Variants in NINJ2 observed in about 807,000 individuals in gnomAD.
NINJ2 encodes the protein ninjurin 2.
Under a neutral mutation model 11.7 loss-of-function variants are expected in NINJ2, and 12 were observed. That is an observed-to-expected ratio of 1.02 (90% confidence interval 0.66 to 1.66). NINJ2 has a LOEUF of 1.66. Among genes scored for constraint, NINJ2 ranks in the 40% most tolerant of loss-of-function variants. The pLI, the probability that NINJ2 is intolerant of heterozygous loss-of-function variation, is 0.00. For missense variants in NINJ2, 187 were observed against 181.8 expected (o/e 1.03, Z -0.16); for synonymous variants, 93 against 76.8 (o/e 1.21, Z -1.10).
intron 1 of NINJ2, among the ~76,000 whole-genome samples, chr12:586,849 C>T (rs530244168): frequency 2.3e-4 from 35 of 152,280 alleles, no homozygotes; most frequent in African/African-American, 7.0e-4. Flanking sequence ...CCTTCACCTT[C>T]GGGGCCCTGC....
chr12:576,241 G>T (rs1947458330), intron 1 of NINJ2, among the ~76,000 whole-genome samples: 1 of 152,182 alleles, frequency 6.6e-6, no homozygotes, highest in Non-Finnish European at 1.5e-5. Flanking sequence ...GTGGGGCGAG[G>T]CCTCCCCGGA....
intron 1 of NINJ2, among the ~76,000 whole-genome samples, chr12:573,111 C>T (rs1235481178): frequency 1.5e-4 from 22 of 151,086 alleles, no homozygotes; most frequent in East Asian, 7.9e-4. Context: ...CTGCAAGCTC[C>T]GCCTCCCGGG....
At chr12:613,769 G>A (rs1390569492) in intron 1 of NINJ2, among the ~76,000 whole-genome samples, 2 of 152,086 alleles carry the variant, frequency 1.3e-5, no homozygotes, top group African/African-American at 4.8e-5. Context: ...GCCGGGCGTG[G>A]TGGCGGGCGC....
chr12:608,430 C>G (rs1252702416), intron 1 of NINJ2, among the ~76,000 whole-genome samples: 1 of 152,218 alleles, frequency 6.6e-6, no homozygotes, highest in Non-Finnish European at 1.5e-5. Context: ...TATTTTAATT[C>G]ATCTACTTCT....
chr12:643,365 G>T, intron 1 of NINJ2: 1 of 884,184 alleles, frequency 1.1e-6, no homozygotes, highest in Non-Finnish European at 1.4e-6. Flanking sequence ...TGGCGTTCCT[G>T]AGTCCGCGGA....
At chr12:654,681 G>T (rs1343260841) in intron 1 of NINJ2, among the ~76,000 whole-genome samples, 1 of 149,274 alleles carries the variant, frequency 6.7e-6, no homozygotes, top group Non-Finnish European at 1.5e-5. Context: ...ATCACCTGAG[G>T]TTGGGAGTTC....
intron 1 of NINJ2, among the ~76,000 whole-genome samples, chr12:624,707 G>T (rs1424627504): frequency 6.6e-6 from 1 of 151,504 alleles, no homozygotes; most frequent in Non-Finnish European, 1.5e-5. Flanking sequence ...AACTTGGGAG[G>T]CTGAGGCAGG....
chr12:630,500 G>C (rs1224823054), intron 1 of NINJ2, among the ~76,000 whole-genome samples: 1 of 151,944 alleles, frequency 6.6e-6, no homozygotes, highest in Non-Finnish European at 1.5e-5. Context: ...TCAGCCTCCC[G>C]AGTAGCTGGG....
At chr12:578,606 C>T (rs1428792435) in intron 1 of NINJ2, among the ~76,000 whole-genome samples, 1 of 152,186 alleles carries the variant, frequency 6.6e-6, no homozygotes, top group African/African-American at 2.4e-5. Context: ...GCATGAACCA[C>T]TACACCCGGC....
At chr12:654,393 T>G (rs1020498503) in intron 1 of NINJ2, among the ~76,000 whole-genome samples, 1 of 150,990 alleles carries the variant, frequency 6.6e-6, no homozygotes, top group South Asian at 2.1e-4. Flanking sequence ...TGGTGGCACA[T>G]GCGTATAATC....
intron 1 of NINJ2, among the ~76,000 whole-genome samples, chr12:609,464 T>A (rs1468315328): frequency 6.6e-6 from 1 of 152,190 alleles, no homozygotes; most frequent in Non-Finnish European, 1.5e-5. Context: ...ATTATCATCC[T>A]TTTATTTAAA....
intron 1 of NINJ2, among the ~76,000 whole-genome samples, chr12:637,610 C>T (rs2120466239): frequency 6.7e-6 from 1 of 148,956 alleles, no homozygotes; most frequent in Middle Eastern, 3.5e-3. Context: ...CACTGCACTC[C>T]AGCCTAGGCG....
At position 565,362 on chromosome 12, in the gene NINJ2, A is replaced by AG. The variant is rs1947279278; in HGVS notation, c.301dup (p.Leu101ProfsTer29). 5 of 1,614,092 alleles carry AG rather than the reference A, an allele frequency of 3.1e-6. No homozygotes were observed. In the African/African-American group the frequency reaches 6.7e-5, roughly 22 times the overall value. On this transcript the variant is annotated frameshift_variant, in exon 3 of 4. Transcript: ENST00000305108. LOFTEE classifies it high-confidence loss of function. ...GGTGGCTGCGTTGTTGAGCTGGTTG[A>AG]GTCGCCACTGCTTTTCTACCTCATT...
At chr12:601,758 C>T (rs929687387) in intron 1 of NINJ2, among the ~76,000 whole-genome samples, 3 of 140,708 alleles carry the variant, frequency 2.1e-5, no homozygotes, top group Admixed American at 7.1e-5. Flanking sequence ...CCCAGCTACT[C>T]GGGAGGCTGA....
At chr12:658,407 A>T (rs1279467454) in intron 1 of NINJ2, among the ~76,000 whole-genome samples, 1 of 152,286 alleles carries the variant, frequency 6.6e-6, no homozygotes, top group South Asian at 2.1e-4. Flanking sequence ...CAGACACTGG[A>T]ATATTATTCA....
In NINJ2 at chr12:610,878, C is replaced by T. The variant is rs568563662; in HGVS notation, c.34-44700G>A. On this transcript the variant is annotated intron_variant, in intron 1 of 3. Transcript: ENST00000305108. ...CCTCCCAAGTAGCTGGGATTACAGG[C>T]ACCCACCACCATACCTGGCTAATTT... Among the ~76,000 whole-genome samples the T allele has an allele frequency of 7.2e-5, 11 of 152,110 alleles. No individual in the cohort carries two copies. In the East Asian group the frequency reaches 1.9e-3, roughly 27 times the overall value.
In NINJ2 at chr12:590,110, G is replaced by A. The variant is rs1263226556; in HGVS notation, c.34-23932C>T. ...GAGCAGCGTCTTATTTTTTATTTTC[G>A]TTATTTTCTGTAGAGACGGTGTCTT... On this transcript the variant is annotated intron_variant, in intron 1 of 3. Coordinates refer to ENST00000305108, the MANE Select transcript of NINJ2 (RefSeq NM_016533.6). Among the ~76,000 whole-genome samples, 10 of 152,162 alleles carry A rather than the reference G, an allele frequency of 6.6e-5. No homozygotes were observed. The East Asian group carries it at 1.7e-3, about 26-fold the overall frequency.
chr12:647,823 G>A (rs1937713458), intron 1 of NINJ2, among the ~76,000 whole-genome samples: 1 of 152,142 alleles, frequency 6.6e-6, no homozygotes, highest in African/African-American at 2.4e-5. Context: ...AACAAGTGAT[G>A]GGGTGCTGCT....
At chr12:572,319 T>A (rs1040252837) in intron 1 of NINJ2, among the ~76,000 whole-genome samples, 4 of 152,128 alleles carry the variant, frequency 2.6e-5, no homozygotes, top group Non-Finnish European at 5.9e-5. Context: ...CAGCGCACAG[T>A]CAGGGCTACA....
Sources: gnomAD v4.1 joint callset for allele counts (sites outside exome capture counted in the v4.1 genomes callset) on GRCh38, gnomAD v4.1.1 for gene constraint, MANE v1.5 for transcripts, NCBI Gene and HGNC (gene_info 2026-07-23, HGNC 2026-07-21) for gene names.